Variants in VPS52 observed in about 807,000 individuals in gnomAD.
The protein encoded by VPS52 is VPS52 subunit of GARP complex, also known as vacuolar protein sorting-associated protein 52 homolog.
In VPS52, 56 loss-of-function variants were observed where a neutral mutation model predicts 98.7. The ratio of observed to expected loss-of-function variants is 0.57; its 90% confidence interval spans 0.46 to 0.71. The LOEUF (loss-of-function observed/expected upper bound fraction) is 0.71. Among genes scored for constraint, VPS52 ranks in the 30% least tolerant of loss-of-function variants. The pLI is 0.00. For synonymous variants in VPS52, 348 were observed against 346.4 expected, an observed-to-expected ratio of 1.00 and a Z score of -0.05; for missense variants, 742 against 925.9, an observed-to-expected ratio of 0.80 and a Z score of 2.58.
At position 33,263,505 on chromosome 6, in the gene VPS52, C is replaced by T. The variant is rs533782073; in HGVS notation, c.1773G>A (p.Gln591=). 26 of 1,613,898 alleles carry T rather than the reference C, an allele frequency of 1.6e-5. No individual in the cohort carries two copies. The African/African-American group carries it at 2.8e-4, about 17-fold the overall frequency. The change falls in exon 17 of 20, where the codon CAG becomes CAA. Residue 591 remains glutamine, a synonymous_variant. Coordinates refer to ENST00000445902, the MANE Select transcript of VPS52 (RefSeq NM_022553.6). ...DDSKEVESFQ[Q]LLNARTQEFI... Reference sequence around the variant, plus strand: ...CTACCTGTGTCCGAGCATTGAGCAGCTGCTGGAAGCTCTCAACCTCTTTGC... The same window carrying T: ...CTACCTGTGTCCGAGCATTGAGCAGTTGCTGGAAGCTCTCAACCTCTTTGC...
In VPS52 at chr6:33,268,894, G is replaced by C; in HGVS notation, c.548+120C>G. 7.4e-7 allele frequency: 1 copy of C among 1,343,866 alleles called. No homozygotes were observed. The allele number at this position is 1,343,866 out of a possible 1,614,324, so 83.2% of individuals were successfully genotyped here. On this transcript the variant is annotated intron_variant, in intron 6 of 19. Coordinates refer to ENST00000445902, the MANE Select transcript of VPS52 (RefSeq NM_022553.6). The surrounding 1 kb of genome is among the most constrained non-coding windows in gnomAD (Gnocchi z 4.0). ...ACCTAAAGAAATGGTGGTTAACCTG[G>C]CTACTAATTTCTAAAAAGCACTTAA...
At chr6:33,256,864 A>G (rs982959567) in intron 17 of VPS52, among the ~76,000 whole-genome samples, 8 of 151,300 alleles carry the variant, frequency 5.3e-5, no homozygotes, top group African/African-American at 1.9e-4. Context: ...AAGAAAAGAA[A>G]AAAAAAGAAA....
intron 17 of VPS52, among the ~76,000 whole-genome samples, chr6:33,257,452 G>T (rs1306350740): frequency 2.6e-5 from 4 of 151,608 alleles, no homozygotes; most frequent in Non-Finnish European, 5.9e-5. Flanking sequence ...AGTCTGGAGT[G>T]CAGTGGCACG....
At chr6:33,254,382 G>A in intron 17 of VPS52, among the ~76,000 whole-genome samples, 1 of 152,150 alleles carries the variant, frequency 6.6e-6, no homozygotes. Context: ...ATGCTGCAAG[G>A]AAGGATCTTT....
At chr6:33,264,599 G>T in intron 13 of VPS52, 102 bp from the exon 14 acceptor site, 1 of 1,546,100 alleles carries the variant, frequency 6.5e-7, no homozygotes, top group East Asian at 2.3e-5. Flanking sequence ...AGCTAGTTGT[G>T]GGGGTTGGGG....
At chr6:33,271,354 A>C (rs1765041574) in intron 1 of VPS52, 11 of 710,118 alleles carry the variant, frequency 1.5e-5, no homozygotes, top group Middle Eastern at 2.3e-4. Flanking sequence ...CTACTTCGTG[A>C]CTCTACCCCA....
At position 33,267,174 on chromosome 6, in the gene VPS52, G is replaced by C. The variant is rs201358082; in HGVS notation, c.1125+14C>G. 6.9e-5 allele frequency: 102 copies of C among 1,476,618 alleles called. No individual in the cohort carries two copies. Among genetic ancestry groups the C allele is most frequent in the Non-Finnish European group, 8.2e-5 (91 of 1,112,038 alleles). The allele number at this position is 1,476,618 out of a possible 1,614,324, so 91.5% of individuals were successfully genotyped here. On this transcript the variant is annotated intron_variant, in intron 11 of 19. Coordinates refer to ENST00000445902, the MANE Select transcript of VPS52 (RefSeq NM_022553.6). The surrounding 1 kb of genome is among the most constrained non-coding windows in gnomAD (Gnocchi z 4.2). ...AGAGCCTCTTTCGTGACTGAAGCTT[G>C]TTCCTCCTCATACCCTCTGCTCTCC...
At position 33,264,397 on chromosome 6, in the gene VPS52, C is replaced by A; in HGVS notation, c.1501G>T (p.Gly501Trp). 2 of 1,614,220 alleles carry A rather than the reference C, an allele frequency of 1.2e-6. No homozygotes were observed. Among genetic ancestry groups the A allele is most frequent in the Non-Finnish European group, 1.7e-6 (2 of 1,180,036 alleles). ...VRSTDPQRLG[G>W]LDTRPHYITR... ...ACATAGTGGGGCCGAGTATCCAACC[C>A]CCCTAGGCGCTGGGGGTCAGTGCTT... Residue 501 changes from glycine (G) to tryptophan (W), a missense_variant, in exon 14 of 20, where the codon GGG (glycine) becomes TGG (tryptophan). Physicochemically the swap from Gly to Trp is radical, Grantham distance 184. This residue lies in a region of VPS52 where 590 missense variants were observed against 793.3 expected (regional missense o/e 0.74). Coordinates refer to ENST00000445902, the MANE Select transcript of VPS52 (RefSeq NM_022553.6).
intron 12 of VPS52, among the ~76,000 whole-genome samples, chr6:33,265,568 T>C (rs961466011): frequency 6.6e-6 from 1 of 152,116 alleles, no homozygotes; most frequent in African/African-American, 2.4e-5. Context: ...GACAAGGTCT[T>C]GCCGCATTGC....
At position 33,268,706 on chromosome 6, in the gene VPS52, C is replaced by G. The variant is rs938452840; in HGVS notation, c.549-57G>C. ...AAGGGAGACCCAGACATCCCTAAAC[C>G]AGACCCAGACCACACTCCTTACCTC... On this transcript the variant is annotated intron_variant, in intron 6 of 19. Coordinates refer to ENST00000445902, the MANE Select transcript of VPS52 (RefSeq NM_022553.6). This position sits in a 1 kb window ranked among gnomAD's most constrained non-coding sequence, Gnocchi z 4.0. 5.2e-6 allele frequency: 8 copies of G among 1,531,964 alleles called. No homozygotes were observed. In the African/African-American group the frequency reaches 6.9e-5, roughly 13 times the overall value. 94.9% of individuals were successfully genotyped at this position (1,531,964 alleles called of 1,614,324 possible).
chr6:33,264,901 C>G lies in VPS52; in HGVS notation c.1282-1G>C. 6.2e-7 allele frequency: 1 copy of G among 1,610,470 alleles called. No homozygotes were observed. ...CAGCTAGATAAGAATCCAGGTGTTTCTGTGTGATTGGGGAACAAACAGAGG... is the reference window on the plus strand; with the variant it reads ...CAGCTAGATAAGAATCCAGGTGTTTGTGTGTGATTGGGGAACAAACAGAGG... On this transcript the variant is annotated splice_acceptor_variant, in intron 12 of 19. Coordinates refer to ENST00000445902, the MANE Select transcript of VPS52 (RefSeq NM_022553.6). LOFTEE classifies it high-confidence loss of function.
At chr6:33,255,793 C>T (rs1288260935) in intron 17 of VPS52, among the ~76,000 whole-genome samples, 2 of 121,398 alleles carry the variant, frequency 1.6e-5, no homozygotes, top group African/African-American at 6.1e-5. Context: ...GAGACTCTGT[C>T]TAAAAAAAAA....
chr6:33,271,075 G>A, intron 1 of VPS52: 1 of 275,916 alleles, frequency 3.6e-6, no homozygotes. Context: ...CATCTTGGGT[G>A]TTCTATCACA....
chr6:33,255,402 A>C (rs1222562309), intron 17 of VPS52, among the ~76,000 whole-genome samples: 1 of 150,674 alleles, frequency 6.6e-6, no homozygotes, highest in Non-Finnish European at 1.5e-5. Flanking sequence ...AATCTCCTGC[A>C]ATGATCCCGC....
Position 33,251,926 on chromosome 6 carries a change from C to G in VPS52, c.1840G>C (p.Ala614Pro), listed in dbSNP as rs768525548. The part of the protein sequence containing the change: ...LLSPPFGGLV[A>P]FVKEAEALIE... ...AAAGCCTCAGCCTCCTTCACAAATGCCACTAAACCCCCAAAAGGGGGAGAC... is the reference window on the plus strand; with the variant it reads ...AAAGCCTCAGCCTCCTTCACAAATGGCACTAAACCCCCAAAAGGGGGAGAC... Residue 614 changes from alanine to proline, a missense_variant, in exon 18 of 20, where the codon GCA becomes CCA. This residue lies in a region of VPS52 where 590 missense variants were observed against 793.3 expected (regional missense o/e 0.74). Coordinates refer to ENST00000445902, the MANE Select transcript of VPS52 (RefSeq NM_022553.6). 1.2e-6 allele frequency: 2 copies of G among 1,613,232 alleles called. No individual in the cohort carries two copies. Among genetic ancestry groups the G allele is most frequent in the Admixed American group, 3.3e-5 (2 of 60,012 alleles).
At position 33,271,657 on chromosome 6, in the gene VPS52, T is replaced by C. The variant is rs1168206009; in HGVS notation, c.19A>G (p.Met7Val). 8.7e-6 allele frequency: 14 copies of C among 1,609,872 alleles called. No homozygotes were observed. Among genetic ancestry groups the C allele is most frequent in the South Asian group, 2.2e-5 (2 of 90,648 alleles). Residue 7 changes from methionine (M) to valine (V), a missense_variant, in exon 1 of 20, where the codon ATG (methionine) becomes GTG (valine). Transcript: ENST00000445902. MAAAAT[M>V]AAAARELVLR... The stretch of plus-strand genomic sequence containing the variant: ...ACCAGTTCCCGGGCCGCAGCCGCCA[T>C]GGTCGCAGCGGCGGCCATTCCCCGC...
At chr6:33,271,458 A>G (rs1386354719) in intron 1 of VPS52, 128 bp downstream of exon 1, 1 of 1,346,964 alleles carries the variant, frequency 7.4e-7, no homozygotes, top group African/African-American at 1.5e-5. Context: ...AGGGAAGGGT[A>G]CGGGGAGCCA....
chr6:33,264,563 G>A (rs1764061663), intron 13 of VPS52, 66 bp from the exon 14 acceptor site: 2 of 1,603,484 alleles, frequency 1.2e-6, no homozygotes, highest in African/African-American at 2.7e-5. Context: ...GGAGGGAGTG[G>A]GGCATCATTC....
In VPS52 at chr6:33,264,424, G is replaced by C; in HGVS notation, c.1474C>G (p.Arg492Gly). The change falls in exon 14 of 20, where the codon CGA becomes GGA. Residue 492 changes from arginine to glycine, a missense_variant. Physicochemically the swap from Arg to Gly is moderately radical, Grantham distance 125 (BLOSUM62 -2). Coordinates refer to ENST00000445902, the MANE Select transcript of VPS52 (RefSeq NM_022553.6). ...LILEMNVQSV[R>G]STDPQRLGGL... ...CCTAGGCGCTGGGGGTCAGTGCTTC[G>C]GACGCTCTGAACATTCATCTCCAGG... 1.2e-6 allele frequency: 2 copies of C among 1,614,098 alleles called. No homozygotes were observed. Among genetic ancestry groups the C allele is most frequent in the Non-Finnish European group, 1.7e-6 (2 of 1,180,024 alleles).
Sources: gnomAD v4.1 joint callset for allele counts (sites outside exome capture counted in the v4.1 genomes callset) on GRCh38, gnomAD v4.1.1 for gene constraint, gnomAD v4.1.1 regional missense constraint, Gnocchi (gnomAD v3.1) non-coding constraint, MANE v1.5 for transcripts, NCBI Gene and HGNC (gene_info 2026-07-23, HGNC 2026-07-21) for gene names.